The following NHSL2 variants were observed in gnomAD, a reference collection of about 807,000 sequenced individuals.
NHSL2 encodes NHS like 2.
A neutral mutation model predicts 53.4 loss-of-function variants in NHSL2; 27 were observed. The observed-to-expected ratio is 0.51, with a 90% CI of 0.37 to 0.70. The LOEUF (loss-of-function observed/expected upper bound fraction) is 0.70. NHSL2 is among the 30% of genes least tolerant of loss of function. The pLI, the probability that NHSL2 is intolerant of heterozygous loss-of-function variation, is 0.00. For missense variants in NHSL2, 892 were observed against 980.1 expected (o/e 0.91, Z 1.20); for synonymous variants, 408 against 404.1 (o/e 1.01, Z -0.12).
At position 72,140,074 on chromosome X, in the gene NHSL2, A is replaced by G. The variant is rs766234796; in HGVS notation, c.2526A>G (p.Glu842=). The change falls in exon 6 of 8, where the codon GAA becomes GAG. Residue 842 remains glutamate (E), a synonymous_variant. Transcript: ENST00000633930. ...RLRSVSKSEP[E]DDIESPEYAE... is the part of the protein sequence containing the mutation. Reference sequence around the variant, plus strand: ...GGTCGGTCAGCAAGTCTGAGCCGGAAGATGATATTGAGAGCCCTGAGTATG... The same window carrying G: ...GGTCGGTCAGCAAGTCTGAGCCGGAGGATGATATTGAGAGCCCTGAGTATG... 1 of 1,209,888 alleles carries G rather than the reference A, an allele frequency of 8.3e-7. No homozygotes were observed. The highest frequency in any genetic ancestry group is 1.1e-6 in the Non-Finnish European group (1 of 894,228).
chrX:72,143,653 C>A lies in NHSL2; in HGVS notation c.*79C>A. On this transcript the variant is annotated 3_prime_UTR_variant, in exon 8 of 8. Coordinates refer to ENST00000633930, the MANE Select transcript of NHSL2 (RefSeq NM_001013627.3). Reference sequence around the variant, plus strand: ...AAGAGAAAGGGTCTTTAAACAGAACCATGGGAACAACAGAGCCTACATTTC... The same window carrying A: ...AAGAGAAAGGGTCTTTAAACAGAACAATGGGAACAACAGAGCCTACATTTC... 1.6e-6 allele frequency: 1 copy of A among 629,945 alleles called. No homozygotes were observed. Among genetic ancestry groups the A allele is most frequent in the Non-Finnish European group, 2.4e-6 (1 of 414,704 alleles). The allele number at this position is 629,945 out of a possible 1,213,427, so 51.9% of individuals were successfully genotyped here.
At chrX:71,942,682 G>T (rs1307372753) in intron 1 of NHSL2, among the ~76,000 whole-genome samples, 3 of 112,469 alleles carry the variant, frequency 2.7e-5, no homozygotes, top group Non-Finnish European at 5.6e-5. Context: ...AATACTAAGT[G>T]AATAGTAGTG....
chrX:72,130,869 G>C lies in NHSL2; in HGVS notation c.281-1210G>C, dbSNP rs774347563. 11 of 1,210,167 alleles carry C rather than the reference G, an allele frequency of 9.1e-6. No individual in the cohort carries two copies. In the African/African-American group the frequency reaches 1.7e-4, roughly 19 times the overall value. On this transcript the variant is annotated intron_variant, in intron 1 of 7. Transcript: ENST00000633930. ...GGATGGGGCCACAGAATTCCTTACG[G>C]ATTTCATCCAGGAAGCGCGGGAAGT...
At chrX:72,137,353 C>A in intron 5 of NHSL2, 128 bp downstream of exon 5, 1 of 606,014 alleles carries the variant, frequency 1.7e-6, no homozygotes, top group Non-Finnish European at 2.5e-6. Context: ...TCCGGATGTC[C>A]TGAAAAAGCC....
chrX:71,989,980 CT>C (rs1353745311), intron 1 of NHSL2, among the ~76,000 whole-genome samples: 1 of 112,572 alleles, frequency 8.9e-6, no homozygotes, highest in Admixed American at 9.4e-5. Context: ...AGCATGCTGC[CT>C]TTGATTTGAG....
intron 1 of NHSL2, among the ~76,000 whole-genome samples, chrX:72,047,166 A>G (rs1276681613): frequency 9.0e-6 from 1 of 110,802 alleles, no homozygotes; most frequent in Non-Finnish European, 1.9e-5. Context: ...TCACTTCATC[A>G]TCCTCTTCAG....
intron 1 of NHSL2, among the ~76,000 whole-genome samples, chrX:71,980,627 A>C (rs770732922): frequency 1.9e-5 from 2 of 108,028 alleles, no homozygotes; most frequent in African/African-American, 6.8e-5. Context: ...ACATATGTGC[A>C]TAAGGATAAG....
rs1430372749 is a variant in NHSL2, at chrX:72,150,560, A to T, written c.*6986A>T. The T allele has an allele frequency of 8.9e-6, 1 of 112,293 alleles. No individual in the cohort carries two copies. Among genetic ancestry groups the T allele is most frequent in the Non-Finnish European group, 1.9e-5 (1 of 53,296 alleles). 9.3% of individuals were successfully genotyped at this position (112,293 alleles called of 1,213,427 possible). ...ATCCCTGGGCTCAAATTCCAGCTCC[A>T]TCTTATCAAACAATAACAGAATTCC... On this transcript the variant is annotated 3_prime_UTR_variant, in exon 8 of 8. Coordinates refer to ENST00000633930, the MANE Select transcript of NHSL2 (RefSeq NM_001013627.3).
chrX:72,126,066 G>A (rs746129387), intron 1 of NHSL2, among the ~76,000 whole-genome samples: 49 of 112,230 alleles, frequency 4.4e-4, no homozygotes, highest in African/African-American at 1.6e-3. Context: ...TCTAAAAGGA[G>A]ACAGCATCAC....
chrX:71,942,972 C>CTCTCTGTGTGTG lies in NHSL2; in HGVS notation c.280+31606_280+31607insCTCTGTGTGTGT, dbSNP rs1220648470. ...GCTCTCTCTCTCTCTCTCTCTCTCT[C>CTCTCTGTGTGTG]TGTGTGTGTGTGTGTGTGTGTGTGT... On this transcript the variant is annotated intron_variant, in intron 1 of 7. Coordinates refer to ENST00000633930, the MANE Select transcript of NHSL2 (RefSeq NM_001013627.3). Among the ~76,000 whole-genome samples, 244 of 74,007 alleles carry CTCTCTGTGTGTG rather than the reference C, an allele frequency of 3.3e-3. 1 individual carries two copies. Among genetic ancestry groups the CTCTCTGTGTGTG allele is most frequent in the African/African-American group, 9.8e-3 (178 of 18,207 alleles). 64.3% of individuals were successfully genotyped at this position (74,007 alleles called of 115,157 possible). A position where few individuals can be genotyped will look rare whatever the true frequency, so the allele number is the denominator to read the frequency against.
In NHSL2 at chrX:72,070,724, C is replaced by T. The variant is rs1013489510; in HGVS notation, c.281-61355C>T. Reference sequence around the variant, plus strand: ...GGTGGAGTTCCCTCTCCTCCTTTGTCAGCACCCACCACCCCCACCACCACC... The same window carrying T: ...GGTGGAGTTCCCTCTCCTCCTTTGTTAGCACCCACCACCCCCACCACCACC... On this transcript the variant is annotated intron_variant, in intron 1 of 7. Transcript: ENST00000633930. 4.6e-4 allele frequency among the ~76,000 whole-genome samples: 50 copies of T among 108,672 alleles called. 1 individual carries two copies. Among genetic ancestry groups the T allele is most frequent in the Non-Finnish European group, 1.3e-4 (7 of 52,195 alleles). The allele number at this position is 108,672 out of a possible 115,157, so 94.4% of individuals were successfully genotyped here. A position where few individuals can be genotyped will look rare whatever the true frequency, so the allele number is the denominator to read the frequency against.
chrX:72,137,229 AC>A lies in NHSL2; in HGVS notation c.892+8del, dbSNP rs891819683. Reference sequence around the variant, plus strand: ...AACTTTTCCCAGCGAGACCAAGGTGACCCCACCACAGCTGATTCCCCAGTCC... The same window carrying A: ...AACTTTTCCCAGCGAGACCAAGGTGACCCACCACAGCTGATTCCCCAGTCC... On this transcript the variant is annotated splice_donor_5th_base_variant and intron_variant, in intron 5 of 7. Coordinates refer to ENST00000633930, the MANE Select transcript of NHSL2 (RefSeq NM_001013627.3). 2.6e-6 allele frequency: 3 copies of A among 1,160,431 alleles called. No individual in the cohort carries two copies. Among genetic ancestry groups the A allele is most frequent in the African/African-American group, 3.6e-5 (2 of 55,321 alleles).
intron 1 of NHSL2, among the ~76,000 whole-genome samples, chrX:71,914,618 A>G (rs2041619529): frequency 8.9e-6 from 1 of 112,227 alleles, no homozygotes; most frequent in African/African-American, 3.2e-5. Context: ...TTTATGTAAA[A>G]TTCCTACTTC....
intron 1 of NHSL2, among the ~76,000 whole-genome samples, chrX:72,023,200 C>T (rs2042168563): frequency 8.9e-6 from 1 of 112,706 alleles, no homozygotes; most frequent in Non-Finnish European, 1.9e-5. Context: ...TTCAAGGCAA[C>T]AGGGAAGTCC....
intron 1 of NHSL2, chrX:72,127,599 G>A (rs937441612): frequency 6.8e-5 from 6 of 88,878 alleles, no homozygotes; most frequent in Non-Finnish European, 1.0e-4. Context: ...AGCAGGGCCA[G>A]AGTGTTGACC....
In NHSL2 at chrX:72,146,453, A is replaced by G. The variant is rs924895904; in HGVS notation, c.*2879A>G. The G allele has an allele frequency of 5.3e-5, 6 of 112,569 alleles. No homozygotes were observed. In the East Asian group the frequency reaches 1.1e-3, roughly 21 times the overall value. 9.3% of individuals were successfully genotyped at this position (112,569 alleles called of 1,213,427 possible). On this transcript the variant is annotated 3_prime_UTR_variant, in exon 8 of 8. Transcript: ENST00000633930. ...AAGCCCCTCTCAGAAAGGCTTGCAG[A>G]GAACCCACCACTACTACAATTACTA...
chrX:72,040,973 T>G (rs986363404), intron 1 of NHSL2, among the ~76,000 whole-genome samples: 3 of 112,076 alleles, frequency 2.7e-5, no homozygotes, highest in Non-Finnish European at 3.8e-5. Context: ...CACATAATTA[T>G]AATGCAGTGG....
At chrX:72,121,740 G>A (rs1312321033) in intron 1 of NHSL2, among the ~76,000 whole-genome samples, 2 of 111,972 alleles carry the variant, frequency 1.8e-5, no homozygotes, top group Non-Finnish European at 3.8e-5. Flanking sequence ...ACCTCCAAGG[G>A]GTGTGTGGAG....
At chrX:72,086,617 G>C (rs1291104209) in intron 1 of NHSL2, among the ~76,000 whole-genome samples, 1 of 98,806 alleles carries the variant, frequency 1.0e-5, no homozygotes, top group Admixed American at 1.2e-4. Context: ...CTGGGAGGCA[G>C]AGGTTACAGT....
Sources: gnomAD v4.1 joint callset for allele counts (sites outside exome capture counted in the v4.1 genomes callset) on GRCh38, gnomAD v4.1.1 for gene constraint, MANE v1.5 for transcripts, NCBI Gene and HGNC (gene_info 2026-07-23, HGNC 2026-07-21) for gene names.